Variants in PTPRD observed in about 807,000 individuals in gnomAD.
PTPRD encodes receptor-type tyrosine-protein phosphatase delta.
PTPRD carries 34 observed loss-of-function variants against 214.5 expected under a neutral mutation model. That is an observed-to-expected ratio of 0.16 (90% CI 0.12 to 0.21). The LOEUF (loss-of-function observed/expected upper bound fraction) is 0.21. Ranked by LOEUF, PTPRD falls within the 10% of genes least tolerant of loss-of-function variation. PTPRD has a pLI of 1.00. For synonymous variants in PTPRD, 1,128 were observed against 845.7 expected (o/e 1.33, Z -5.79); for missense variants, 2,545 against 2,398.7 (o/e 1.06, Z -1.27).
intron 11 of PTPRD, among the ~76,000 whole-genome samples, chr9:9,013,373 T>C (rs2099519863): frequency 6.6e-6 from 1 of 152,138 alleles, no homozygotes. Flanking sequence ...TCATTGATCA[T>C]TGATGATAGC....
At chr9:8,755,424 G>A (rs1227524416) in intron 11 of PTPRD, among the ~76,000 whole-genome samples, 1 of 151,442 alleles carries the variant, frequency 6.6e-6, no homozygotes, top group African/African-American at 2.4e-5. Flanking sequence ...AGCTACTCAG[G>A]AGGCTGAGGC....
intron 3 of PTPRD, among the ~76,000 whole-genome samples, chr9:10,097,041 T>G (rs138325541): frequency 1.1e-3 from 169 of 151,936 alleles, no homozygotes; most frequent in African/African-American, 3.9e-3. Context: ...AAAGATCAGA[T>G]AGTTGTAGAT....
chr9:10,560,397 G>A (rs902773447), intron 2 of PTPRD, among the ~76,000 whole-genome samples: 1 of 151,902 alleles, frequency 6.6e-6, no homozygotes, highest in Admixed American at 6.6e-5. Context: ...ATCACACTCT[G>A]GGGACAGTTG....
chr9:9,292,185 T>C (rs1016798432), intron 9 of PTPRD, among the ~76,000 whole-genome samples: 13 of 151,060 alleles, frequency 8.6e-5, no homozygotes, highest in African/African-American at 3.1e-4. Flanking sequence ...ATGAACACTT[T>C]TTTTTTTCTT....
intron 3 of PTPRD, among the ~76,000 whole-genome samples, chr9:10,069,628 T>C (rs905236437): frequency 3.9e-5 from 6 of 152,132 alleles, no homozygotes; most frequent in Middle Eastern, 3.4e-3. Flanking sequence ...TCAACATAAT[T>C]AGCCACTGAG....
At chr9:9,177,697 A>G (rs962270449) in intron 10 of PTPRD, among the ~76,000 whole-genome samples, 2 of 152,124 alleles carry the variant, frequency 1.3e-5, no homozygotes, top group African/African-American at 4.8e-5. Flanking sequence ...AATCCTATCA[A>G]TCTTGACTTG....
chr9:9,743,472 T>C (rs139142143), intron 6 of PTPRD, among the ~76,000 whole-genome samples: 2 of 152,198 alleles, frequency 1.3e-5, no homozygotes, highest in Non-Finnish European at 2.9e-5. Flanking sequence ...GGCACCTAGG[T>C]CAGCGCTTGT....
At chr9:10,168,955 G>C (rs1234694943) in intron 3 of PTPRD, among the ~76,000 whole-genome samples, 1 of 152,080 alleles carries the variant, frequency 6.6e-6, no homozygotes. Context: ...TTATGGACTG[G>C]AGGAGCCAAT....
At chr9:10,356,371 C>T (rs1461102250) in intron 2 of PTPRD, among the ~76,000 whole-genome samples, 1 of 152,158 alleles carries the variant, frequency 6.6e-6, no homozygotes, top group Non-Finnish European at 1.5e-5. Context: ...ATATTTCTCT[C>T]AAATTGGTTT....
chr9:9,974,328 T>C (rs1399889698), intron 4 of PTPRD, among the ~76,000 whole-genome samples: 1 of 152,180 alleles, frequency 6.6e-6, no homozygotes, highest in Non-Finnish European at 1.5e-5. Flanking sequence ...TAATACCAAA[T>C]GATGCCAAAA....
chr9:8,771,422 A>G lies in PTPRD; in HGVS notation c.-103-37476T>C, dbSNP rs114297106. On this transcript the variant is annotated intron_variant, in intron 11 of 45. Coordinates refer to ENST00000381196, the MANE Select transcript of PTPRD (RefSeq NM_002839.4). ...AGTGTTTTATTCCTTAATATATCTA[A>G]CAGTAGTGCTTTGTGTGTCATGGTA... Among the ~76,000 whole-genome samples, 274 of 152,316 alleles carry G rather than the reference A, an allele frequency of 1.8e-3. 1 individual carries two copies. Among genetic ancestry groups the G allele is most frequent in the African/African-American group, 6.2e-3 (257 of 41,578 alleles).
At chr9:9,283,732 G>A (rs11794583) in intron 9 of PTPRD, among the ~76,000 whole-genome samples, 1 of 151,438 alleles carries the variant, frequency 6.6e-6, no homozygotes, top group Non-Finnish European at 1.5e-5. Flanking sequence ...ACCATGAAAT[G>A]AGTCTTGCTG....
intron 10 of PTPRD, among the ~76,000 whole-genome samples, chr9:9,116,563 A>T (rs2099812540): frequency 6.6e-6 from 1 of 152,150 alleles, no homozygotes; most frequent in South Asian, 2.1e-4. Flanking sequence ...AGACTTCACC[A>T]CTATACAATT....
At chr9:8,930,621 C>T (rs1365154883) in intron 11 of PTPRD, among the ~76,000 whole-genome samples, 2 of 152,180 alleles carry the variant, frequency 1.3e-5, no homozygotes, top group African/African-American at 4.8e-5. Flanking sequence ...TCTCCAGCAC[C>T]TGTTGTTTCC....
At chr9:8,418,234 T>C (rs2094095723) in intron 35 of PTPRD, among the ~76,000 whole-genome samples, 1 of 151,690 alleles carries the variant, frequency 6.6e-6, no homozygotes, top group African/African-American at 2.4e-5. Flanking sequence ...CTTTTTTTTT[T>C]GCTTCTAAAT....
intron 8 of PTPRD, among the ~76,000 whole-genome samples, chr9:9,447,844 G>C (rs2090961551): frequency 6.6e-6 from 1 of 152,072 alleles, no homozygotes; most frequent in South Asian, 2.1e-4. Flanking sequence ...ACGTAGAAAT[G>C]TGTCTGGCAT....
intron 9 of PTPRD, among the ~76,000 whole-genome samples, chr9:9,317,822 G>A (rs1273771602): frequency 6.6e-6 from 1 of 152,028 alleles, no homozygotes; most frequent in African/African-American, 2.4e-5. Flanking sequence ...CATCCTGATA[G>A]ATTATGTGCA....
rs575901737 is a variant in PTPRD at position 10,351,368 on chromosome 9, C to A, written c.-599-10351G>T. ...TATCATATGGTCGACACTAACCAAT[C>A]TGTTTCTTTTACTGCCCAATTACAC... On this transcript the variant is annotated intron_variant, in intron 2 of 45. Coordinates refer to ENST00000381196, the MANE Select transcript of PTPRD (RefSeq NM_002839.4). Among the ~76,000 whole-genome samples the A allele has an allele frequency of 2.0e-5, 3 of 152,208 alleles. No homozygotes were observed. In the East Asian group the frequency reaches 5.8e-4, roughly 29 times the overall value.
chr9:10,396,349 T>A (rs916614107), intron 2 of PTPRD, among the ~76,000 whole-genome samples: 29 of 152,008 alleles, frequency 1.9e-4, no homozygotes, highest in African/African-American at 7.0e-4. Flanking sequence ...TGAGGTAGCC[T>A]GCGGGAGCTG....
Sources: allele counts gnomAD v4.1 joint callset (sites outside exome capture counted in the v4.1 genomes callset), GRCh38; gene constraint gnomAD v4.1.1; transcripts MANE v1.5; gene names NCBI Gene and HGNC (gene_info 2026-07-23, HGNC 2026-07-21).